PCGF5: variants seen among roughly 807,000 people sequenced by gnomAD.
PCGF5 encodes the protein polycomb group ring finger 5, also known as polycomb group RING finger protein 5.
PCGF5 carries 9 observed loss-of-function variants against 44.3 expected under a neutral mutation model. That is an observed-to-expected ratio of 0.20 (90% CI 0.12 to 0.35). The LOEUF is 0.35. PCGF5 is among the 10% of genes least tolerant of loss of function. PCGF5 has a pLI of 1.00. For synonymous variants in PCGF5, 95 were observed against 102.5 expected, an observed-to-expected ratio of 0.93 and a Z score of 0.44; for missense variants, 146 against 305.3, an observed-to-expected ratio of 0.48 and a Z score of 3.89.
chr10:91,242,325 T>C (rs948452504), intron 3 of PCGF5, among the ~76,000 whole-genome samples: 13 of 152,072 alleles, frequency 8.5e-5, no homozygotes, highest in Admixed American at 5.9e-4. Context: ...AGTAATTCTT[T>C]TCTTAATTTT....
intron 1 of PCGF5, among the ~76,000 whole-genome samples, chr10:91,186,513 A>G (rs540556170): frequency 6.6e-6 from 1 of 151,928 alleles, no homozygotes; most frequent in South Asian, 2.1e-4. Flanking sequence ...GACCTCAGGG[A>G]AAAACTTCAT....
chr10:91,248,502 A>G lies in PCGF5; in HGVS notation c.210-3A>G. The G allele has an allele frequency of 6.2e-7, 1 of 1,611,238 alleles. No homozygotes were observed. Among genetic ancestry groups the G allele is most frequent in the Non-Finnish European group, 8.5e-7 (1 of 1,177,862 alleles). ...AGTATTTTCTTTCTCCCCCCTTTCG[A>G]AGGTTGGACAATACATTAGAGGAAA... On this transcript the variant is annotated splice_region_variant and splice_polypyrimidine_tract_variant and intron_variant, in intron 3 of 9. Transcript: ENST00000336126.
intron 2 of PCGF5, among the ~76,000 whole-genome samples, chr10:91,231,443 A>C (rs1371438408): frequency 6.6e-6 from 1 of 152,308 alleles, no homozygotes; most frequent in Admixed American, 6.5e-5. Flanking sequence ...CTTTTGAACA[A>C]AGACCAGGTA....
intron 2 of PCGF5, among the ~76,000 whole-genome samples, chr10:91,227,173 A>G (rs921461645): frequency 6.6e-6 from 1 of 152,186 alleles, no homozygotes; most frequent in Non-Finnish European, 1.5e-5. Flanking sequence ...TGTGAAATGT[A>G]TACACTATTG....
At chr10:91,196,097 A>T (rs924486510) in intron 1 of PCGF5, among the ~76,000 whole-genome samples, 1 of 151,858 alleles carries the variant, frequency 6.6e-6, no homozygotes, top group Non-Finnish European at 1.5e-5. Context: ...ATGGGACTGC[A>T]CATTTGTCAG....
At chr10:91,234,297 CAT>C (rs915787541) in intron 2 of PCGF5, among the ~76,000 whole-genome samples, 21 of 152,280 alleles carry the variant, frequency 1.4e-4, no homozygotes, top group African/African-American at 5.1e-4. Context: ...GGAATGTAAA[CAT>C]ATGTTTATTT....
intron 8 of PCGF5, among the ~76,000 whole-genome samples, chr10:91,268,308 C>T (rs1300011414): frequency 2.0e-5 from 3 of 152,130 alleles, no homozygotes; most frequent in Non-Finnish European, 4.4e-5. Flanking sequence ...AATAGTTGGG[C>T]CTTCTAGGTT....
At chr10:91,220,018 TGAA>T (rs963142100), upstream of PCGF5, 21 of 152,212 alleles carry the variant, frequency 1.4e-4, no homozygotes, top group Admixed American at 1.1e-3. Flanking sequence ...CATTTTTGAA[TGAA>T]GGTTTTTGCA....
chr10:91,211,791 G>T (rs886195572), intron 1 of PCGF5, among the ~76,000 whole-genome samples: 2 of 152,220 alleles, frequency 1.3e-5, no homozygotes, highest in Admixed American at 6.5e-5. Flanking sequence ...ATAGTGAGAA[G>T]CCTGGTCGAG....
chr10:91,271,564 A>AT, intron 8 of PCGF5, 74 bp from the exon 9 acceptor site: 1 of 1,230,966 alleles, frequency 8.1e-7, no homozygotes, highest in Non-Finnish European at 1.2e-6. Flanking sequence ...ACGTTAAACT[A>AT]TTTTAAATAA....
At chr10:91,223,789 G>A (rs367708950) in intron 2 of PCGF5, among the ~76,000 whole-genome samples, 2 of 152,178 alleles carry the variant, frequency 1.3e-5, no homozygotes, top group Non-Finnish European at 2.9e-5. Context: ...GCATTTTGGA[G>A]TAGATGTAGG....
intron 6 of PCGF5, among the ~76,000 whole-genome samples, chr10:91,252,379 G>A (rs1469336047): frequency 6.6e-6 from 1 of 151,906 alleles, no homozygotes; most frequent in Non-Finnish European, 1.5e-5. Context: ...TTTCACTTCA[G>A]ATTAAGTTTT....
Position 91,280,251 on chromosome 10 carries a change from TA to T in PCGF5, c.*1939del, listed in dbSNP as rs1846421049. 6.6e-6 allele frequency: 1 copy of T among 152,066 alleles called. No individual in the cohort carries two copies. The highest frequency in any genetic ancestry group is 6.5e-5 in the Admixed American group (1 of 15,278). 9.4% of individuals were successfully genotyped at this position (152,066 alleles called of 1,614,324 possible). A position where few individuals can be genotyped will look rare whatever the true frequency, so the allele number is the denominator to read the frequency against. ...AATTTGTCACACCTAGGTCAGCGAT[TA>T]AAATAGTGTTTTGCAAATGGAATTT... On this transcript the variant is annotated 3_prime_UTR_variant, in exon 10 of 10. Coordinates refer to ENST00000336126, the MANE Select transcript of PCGF5 (RefSeq NM_032373.5).
chr10:91,162,614 T>C (rs947513411), upstream of PCGF5, among the ~76,000 whole-genome samples: 2 of 151,804 alleles, frequency 1.3e-5, no homozygotes, highest in East Asian at 2.0e-4. Flanking sequence ...GAGCGAAAGC[T>C]TGGCTTCACG....
chr10:91,184,337 G>A (rs548563197), intron 1 of PCGF5, among the ~76,000 whole-genome samples: 23 of 151,880 alleles, frequency 1.5e-4, no homozygotes, highest in Non-Finnish European at 2.6e-4. Flanking sequence ...ATTCCTCTAC[G>A]TGGTCTATTC....
chr10:91,234,373 G>A (rs1221221473), intron 2 of PCGF5, among the ~76,000 whole-genome samples: 1 of 152,140 alleles, frequency 6.6e-6, no homozygotes, highest in African/African-American at 2.4e-5. Flanking sequence ...GGTCAATCTT[G>A]GACACACACC....
chr10:91,243,881 T>C (rs1394266375), intron 3 of PCGF5, among the ~76,000 whole-genome samples: 6 of 152,176 alleles, frequency 3.9e-5, no homozygotes, highest in Non-Finnish European at 7.3e-5. Flanking sequence ...CATATTTGAC[T>C]CACATTATAT....
At chr10:91,242,678 C>T (rs1845358679) in intron 3 of PCGF5, among the ~76,000 whole-genome samples, 1 of 152,084 alleles carries the variant, frequency 6.6e-6, no homozygotes, top group Non-Finnish European at 1.5e-5. Flanking sequence ...TTCTGTTCAC[C>T]CAGATTAGCT....
chr10:91,278,263 T>G lies in PCGF5; in HGVS notation c.724-6T>G, dbSNP rs757305773. The G allele has an allele frequency of 2.5e-6, 4 of 1,603,498 alleles. No individual in the cohort carries two copies. Among genetic ancestry groups the G allele is most frequent in the Non-Finnish European group, 2.6e-6 (3 of 1,170,348 alleles). ...GTCTTATTTATTATCTGTCTTTATT[T>G]TGTAGTCATACCCTATGGTACTGCA... On this transcript the variant is annotated splice_region_variant and splice_polypyrimidine_tract_variant and intron_variant, in intron 9 of 9. Coordinates refer to ENST00000336126, the MANE Select transcript of PCGF5 (RefSeq NM_032373.5).
Sources: gnomAD v4.1 joint callset for allele counts (sites outside exome capture counted in the v4.1 genomes callset) on GRCh38, gnomAD v4.1.1 for gene constraint, MANE v1.5 for transcripts, NCBI Gene and HGNC (gene_info 2026-07-23, HGNC 2026-07-21) for gene names.